Variants in CEP83 observed in about 807,000 individuals in gnomAD.
CEP83 encodes centrosomal protein 83.
Under a neutral mutation model 101.9 loss-of-function variants are expected in CEP83, and 70 were observed. The ratio of observed to expected loss-of-function variants is 0.69; its 90% CI spans 0.57 to 0.84. CEP83 has a LOEUF of 0.84. Ranked by LOEUF, CEP83 falls within the 40% of genes least tolerant of loss-of-function variation. The pLI is 0.00. For missense variants in CEP83, 715 were observed against 787.2 expected (o/e 0.91, Z 1.10); for synonymous variants, 264 against 267.9 (o/e 0.99, Z 0.14).
At position 94,312,929 on chromosome 12, in the gene CEP83, T is replaced by C; in HGVS notation, c.1796A>G (p.Asn599Ser). 1.3e-6 allele frequency: 2 copies of C among 1,566,772 alleles called. No individual in the cohort carries two copies. Among genetic ancestry groups the C allele is most frequent in the South Asian group, 2.3e-5 (2 of 88,112 alleles). The change falls in exon 15 of 17, where the codon AAT (asparagine) becomes AGT (serine). Residue 599 changes from asparagine (N) to serine (S), a missense_variant. By Grantham distance (46) the Asn-to-Ser change is conservative. Coordinates refer to ENST00000397809, the MANE Select transcript of CEP83 (RefSeq NM_016122.3). ...EAKKEELETE[N>S]QVLNRQNVPF... ...AACACATTACCTATTTAAGACCTGATTTTCTGTTTCCAATTCTTCTTTCTT... is the reference window on the plus strand; with the variant it reads ...AACACATTACCTATTTAAGACCTGACTTTCTGTTTCCAATTCTTCTTTCTT...
chr12:94,391,629 T>C (rs1416068046), intron 6 of CEP83, among the ~76,000 whole-genome samples: 2 of 152,054 alleles, frequency 1.3e-5, no homozygotes, highest in African/African-American at 2.4e-5. Flanking sequence ...CACACAACAA[T>C]ATTAACCTTA....
chr12:94,402,570 G>A (rs1311348592), intron 5 of CEP83, among the ~76,000 whole-genome samples: 3 of 152,088 alleles, frequency 2.0e-5, no homozygotes, highest in Non-Finnish European at 2.9e-5. Flanking sequence ...AGTTTGCCAC[G>A]ACGTATCTGG....
the CEP83 span, among the ~76,000 whole-genome samples, chr12:94,293,935 A>G: frequency 2.0e-5 from 3 of 151,980 alleles, no homozygotes; most frequent in South Asian, 2.1e-4. Context: ...GTCTCTTCTT[A>G]TAAGGGCACT....
chr12:94,307,391 G>A (rs1969156016), downstream of CEP83: 1 of 152,180 alleles, frequency 6.6e-6, no homozygotes, highest in Admixed American at 6.5e-5. Context: ...TTAGATGTGT[G>A]CTGAAGACAA....
At chr12:94,374,242 T>C (rs370772348) in intron 8 of CEP83, among the ~76,000 whole-genome samples, 1 of 151,944 alleles carries the variant, frequency 6.6e-6, no homozygotes, top group African/African-American at 2.4e-5. Context: ...TCAGGTAAAA[T>C]GTACTGCATG....
At chr12:94,424,466 C>T (rs374820410) in intron 2 of CEP83, 23 of 1,613,862 alleles carry the variant, frequency 1.4e-5, no homozygotes, top group Non-Finnish European at 1.5e-5. Flanking sequence ...ACTGGTATCT[C>T]GAAGGATACG....
rs117279549 is a variant in CEP83, at chr12:94,378,200, G to A, written c.801+591C>T. Among the ~76,000 whole-genome samples, 502 of 152,288 alleles carry A rather than the reference G, an allele frequency of 3.3e-3. 3 individuals are homozygous for A. Among genetic ancestry groups the A allele is most frequent in the Non-Finnish European group, 5.2e-3 (352 of 68,018 alleles). Reference sequence around the variant, plus strand: ...AGAACTAAGAAGAATAAGTGTATCTGAATAAAATGGAAACCAAGAATTTTC... The same window carrying A: ...AGAACTAAGAAGAATAAGTGTATCTAAATAAAATGGAAACCAAGAATTTTC... On this transcript the variant is annotated intron_variant, in intron 7 of 16. Transcript: ENST00000397809.
chr12:94,443,279 G>A (rs1157924669), intron 1 of CEP83, among the ~76,000 whole-genome samples: 1 of 146,204 alleles, frequency 6.8e-6, no homozygotes, highest in Non-Finnish European at 1.5e-5. Context: ...TCACAACTTT[G>A]TTCATACAGT....
chr12:94,330,769 C>T (rs1466891873), intron 14 of CEP83, among the ~76,000 whole-genome samples: 1 of 152,168 alleles, frequency 6.6e-6, no homozygotes, highest in Non-Finnish European at 1.5e-5. Flanking sequence ...AATATGACTT[C>T]CATGGGATGG....
chr12:94,272,167 C>T, the CEP83 span: 14 of 152,284 alleles, frequency 9.2e-5, no homozygotes, highest in African/African-American at 3.4e-4. Context: ...AGGCATCATT[C>T]CCAAATCAAT....
chr12:94,335,413 T>C (rs534873544), intron 12 of CEP83, among the ~76,000 whole-genome samples, 176 bp downstream of exon 12: 5 of 152,132 alleles, frequency 3.3e-5, no homozygotes, highest in East Asian at 1.9e-4. Flanking sequence ...CTTATTAAAG[T>C]ATAGAAGTTT....
chr12:94,370,075 TTCTTGC>T, intron 8 of CEP83, 39 bp from the exon 9 acceptor site: 1 of 1,202,846 alleles, frequency 8.3e-7, no homozygotes, highest in Non-Finnish European at 1.2e-6. Flanking sequence ...ATTGGTCATT[TTCTTGC>T]CATTCAATAC....
At chr12:94,282,423 G>A in the CEP83 span, 22 of 1,471,414 alleles carry the variant, frequency 1.5e-5, no homozygotes, top group Non-Finnish European at 1.7e-5. Flanking sequence ...ACTTGACCCC[G>A]TGTCTCCTTC....
chr12:94,400,806 T>G (rs773312394), intron 6 of CEP83, 44 bp downstream of exon 6: 1 of 1,222,710 alleles, frequency 8.2e-7, no homozygotes, highest in Non-Finnish European at 1.1e-6. Flanking sequence ...AAAATTGTGT[T>G]GACCAGAACA....
chr12:94,291,663 C>A, the CEP83 span, among the ~76,000 whole-genome samples: 2 of 152,186 alleles, frequency 1.3e-5, no homozygotes, highest in African/African-American at 4.8e-5. Context: ...CCCGAAGAAA[C>A]CTTGAATTCA....
intron 4 of CEP83, among the ~76,000 whole-genome samples, chr12:94,409,164 G>A (rs746042083): frequency 5.3e-5 from 8 of 151,412 alleles, no homozygotes; most frequent in South Asian, 2.1e-4. Flanking sequence ...TACAATTTGC[G>A]CAAATTGCAA....
intron 7 of CEP83, among the ~76,000 whole-genome samples, chr12:94,377,009 G>C (rs908564368): frequency 2.6e-5 from 4 of 151,948 alleles, no homozygotes; most frequent in Non-Finnish European, 5.9e-5. Flanking sequence ...CCAAACTGCT[G>C]GGATTACAGG....
intron 14 of CEP83, among the ~76,000 whole-genome samples, chr12:94,326,633 A>C: frequency 6.6e-6 from 1 of 152,236 alleles, no homozygotes; most frequent in East Asian, 1.9e-4. Context: ...AGATGAAGTT[A>C]GATTGGATTC....
intron 14 of CEP83, among the ~76,000 whole-genome samples, chr12:94,328,630 C>A (rs563703471): frequency 2.6e-4 from 40 of 150,948 alleles, no homozygotes; most frequent in Admixed American, 6.0e-4. Flanking sequence ...CCAAAATGGT[C>A]AAATAGAAGC....
Sources: allele counts gnomAD v4.1 joint callset (sites outside exome capture counted in the v4.1 genomes callset), GRCh38; gene constraint gnomAD v4.1.1; transcripts MANE v1.5; gene names NCBI Gene and HGNC (gene_info 2026-07-23, HGNC 2026-07-21).